Variants in GRAMD4 observed in about 807,000 individuals in gnomAD.
GRAMD4 encodes the protein GRAM domain containing 4, also known as GRAM domain-containing protein 4.
GRAMD4 carries 25 observed loss-of-function variants against 83.9 expected under a neutral mutation model. The ratio of observed to expected loss-of-function variants is 0.30; its 90% CI spans 0.22 to 0.42. The LOEUF (loss-of-function observed/expected upper bound fraction) is 0.42. GRAMD4 is among the 10% of genes least tolerant of loss of function. The probability of loss-of-function intolerance (pLI) is 1.00; values close to 1 mark genes in which losing one functional copy is unlikely to be tolerated. For missense variants in GRAMD4, 593 were observed against 788.7 expected, an observed-to-expected ratio of 0.75 and a Z score of 2.97; for synonymous variants, 336 against 320.9, an observed-to-expected ratio of 1.05 and a Z score of -0.50.
At position 46,586,565 on chromosome 22, in the gene GRAMD4, G is replaced by C. The variant is rs561687297; in HGVS notation, c.-50+9275G>C. Among the ~76,000 whole-genome samples, 90 of 152,324 alleles carry C rather than the reference G, an allele frequency of 5.9e-4. 1 individual carries two copies. The highest frequency in any genetic ancestry group is 1.9e-3 in the African/African-American group (81 of 41,570). On this transcript the variant is annotated intron_variant, in intron 1 of 1. Coordinates refer to the GRAMD4 transcript ENST00000431155. ...GGTTGGGGAAACGTGGGGGTCATGG[G>C]AGGGCCTAGCCCCATGACACAGAGA...
At chr22:46,649,286 G>C (rs1282135048) in intron 3 of GRAMD4, among the ~76,000 whole-genome samples, 1 of 152,202 alleles carries the variant, frequency 6.6e-6, no homozygotes, top group East Asian at 1.9e-4. Context: ...TGGGGGCCTG[G>C]AGGGCTTGGC....
Position 46,626,767 on chromosome 22 carries a change from G to A in GRAMD4, c.-33G>A. ...CTCTTGCAGGGAACCCGAGCGTCAT[G>A]TTAGGGTGAAGCAGAGGACCTCAGT... On this transcript the variant is annotated 5_prime_UTR_variant, in exon 2 of 19. It removes an upstream start codon present in the reference 5' UTR. Transcript: ENST00000406902. 3 of 1,607,904 alleles carry A rather than the reference G, an allele frequency of 1.9e-6. No individual in the cohort carries two copies. The highest frequency in any genetic ancestry group is 2.6e-6 in the Non-Finnish European group (3 of 1,175,116).
intron 17 of GRAMD4, 40 bp downstream of exon 17, chr22:46,675,592 C>G: frequency 7.9e-7 from 1 of 1,271,060 alleles, no homozygotes; most frequent in Non-Finnish European, 1.2e-6. Flanking sequence ...CCCGTGTTTT[C>G]TTCGTCACCT....
chr22:46,668,742 G>A lies in GRAMD4; in HGVS notation c.974+10G>A, dbSNP rs373054138. The A allele has an allele frequency of 7.0e-6, 11 of 1,581,304 alleles. No homozygotes were observed. The highest frequency in any genetic ancestry group is 2.3e-5 in the East Asian group (1 of 44,278). ...TGGAGAAGATCAAGAAGTAAGTCCC[G>A]CCCCCCACCCCGGCCCTGCGGCGCC... On this transcript the variant is annotated intron_variant, in intron 12 of 18. Coordinates refer to ENST00000406902, the MANE Select transcript of GRAMD4 (RefSeq NM_015124.5).
At chr22:46,592,260 T>G (rs1369894895) in intron 1 of GRAMD4, among the ~76,000 whole-genome samples, 1 of 152,198 alleles carries the variant, frequency 6.6e-6, no homozygotes, top group African/African-American at 2.4e-5. Context: ...TAAGTGTGGT[T>G]CTTTTAAGTT....
intron 9 of GRAMD4, among the ~76,000 whole-genome samples, chr22:46,666,556 A>C (rs1386834237): frequency 6.6e-6 from 1 of 152,004 alleles, no homozygotes; most frequent in Non-Finnish European, 1.5e-5. Context: ...TGGATGTTGA[A>C]GGGCCGCCCT....
In GRAMD4 at chr22:46,661,411, A is replaced by G. The variant is rs775281947; in HGVS notation, c.435A>G (p.Pro145=). The change falls in exon 5 of 19, where the codon CCA becomes CCG. Residue 145 remains proline (P), a synonymous_variant. Coordinates refer to ENST00000406902, the MANE Select transcript of GRAMD4 (RefSeq NM_015124.5). ...AGGAGCAGATGGCTCAGCAGCCCCC[A>G]AAAGGGCAGGCCCAGGCCAGCAATG... ...RTEEQMAQQP[P]KGQAQASNGA... The G allele has an allele frequency of 6.2e-7, 1 of 1,612,078 alleles. No homozygotes were observed. The highest frequency in any genetic ancestry group is 2.2e-5 in the East Asian group (1 of 44,878).
At chr22:46,663,943 G>A in intron 7 of GRAMD4, 80 bp downstream of exon 7, 1 of 1,578,750 alleles carries the variant, frequency 6.3e-7, no homozygotes, top group Non-Finnish European at 8.7e-7. Flanking sequence ...CTGGGATTCT[G>A]AGCTGAACCG....
At chr22:46,668,778 G>A (rs1320284299) in intron 12 of GRAMD4, 21 bp from the exon 13 acceptor site, 1 of 1,601,980 alleles carries the variant, frequency 6.2e-7, no homozygotes, top group Non-Finnish European at 8.5e-7. Context: ...CGCCCGGCCT[G>A]AGCCTCCCGT....
At chr22:46,585,525 G>A (rs561887517) in intron 1 of GRAMD4, among the ~76,000 whole-genome samples, 205 of 152,180 alleles carry the variant, frequency 1.3e-3, no homozygotes, top group Non-Finnish European at 1.9e-3. Context: ...GTTAACTTCG[G>A]CCCTAGACCC....
At chr22:46,607,126 G>A (rs1255698363) in intron 1 of GRAMD4, among the ~76,000 whole-genome samples, 1 of 152,096 alleles carries the variant, frequency 6.6e-6, no homozygotes, top group African/African-American at 2.4e-5. Context: ...CAGGAGCAGT[G>A]AAGCCTGGGG....
intron 3 of GRAMD4, among the ~76,000 whole-genome samples, chr22:46,643,115 C>G (rs374140331): frequency 3.8e-4 from 54 of 142,932 alleles, no homozygotes; most frequent in Non-Finnish European, 5.0e-4. Context: ...ATCCATCCAT[C>G]CATCCATGCA....
chr22:46,603,363 A>G (rs1464193750), intron 1 of GRAMD4, among the ~76,000 whole-genome samples: 1 of 150,118 alleles, frequency 6.7e-6, no homozygotes, highest in African/African-American at 2.5e-5. Context: ...GCCCGCCACC[A>G]CACCCGGCTA....
chr22:46,615,683 C>T (rs1414443954), upstream of GRAMD4, among the ~76,000 whole-genome samples: 5 of 69,070 alleles, frequency 7.2e-5, no homozygotes, highest in African/African-American at 2.3e-4. Context: ...TTCCCCTGTG[C>T]GTAGGTTCCC....
chr22:46,625,765 G>A (rs1042561970), intron 1 of GRAMD4, among the ~76,000 whole-genome samples: 2 of 152,208 alleles, frequency 1.3e-5, no homozygotes, highest in Non-Finnish European at 2.9e-5. Flanking sequence ...CCTCCTGTGG[G>A]CCACTGATCC....
Position 46,674,738 on chromosome 22 carries a change from A to ACGTCACGGAGAAGTGAGTGCAGC in GRAMD4, c.1470_1478+14dup. On this transcript the variant is annotated stop_gained and frameshift_variant, in exon 16 of 19. Coordinates refer to ENST00000406902, the MANE Select transcript of GRAMD4 (RefSeq NM_015124.5). LOFTEE classifies it high-confidence loss of function. Reference sequence around the variant, plus strand: ...GACTACATCAGGAACGGGGTGCTCTACGTCACGGAGAAGTGAGTGCAGCCG... The same window carrying ACGTCACGGAGAAGTGAGTGCAGC: ...GACTACATCAGGAACGGGGTGCTCTACGTCACGGAGAAGTGAGTGCAGCCGTCACGGAGAAGTGAGTGCAGCCG... The ACGTCACGGAGAAGTGAGTGCAGC allele has an allele frequency of 6.2e-7, 1 of 1,609,904 alleles. No individual in the cohort carries two copies. The highest frequency in any genetic ancestry group is 8.5e-7 in the Non-Finnish European group (1 of 1,176,998).
Position 46,664,041 on chromosome 22 carries a change from C to T in GRAMD4, c.641C>T (p.Pro214Leu), listed in dbSNP as rs755465455. ...CTGTCCCCAGAGCGCGGTGCCAAGC[C>T]GGTCACTAACTTTGTGAAGAACCTC... ...NMRRLKRGAK[P>L]VTNFVKNLSA... Residue 214 changes from proline (P) to leucine (L), a missense_variant, in exon 8 of 19, where the codon CCG (proline) becomes CTG (leucine). Pro to Leu is a moderately conservative substitution (Grantham distance 98, BLOSUM62 -3). This residue lies in a region of GRAMD4 where 312 missense variants were observed against 350.7 expected (regional missense o/e 0.89). Transcript: ENST00000406902. 2 of 1,613,312 alleles carry T rather than the reference C, an allele frequency of 1.2e-6. No individual in the cohort carries two copies. Among genetic ancestry groups the T allele is most frequent in the Non-Finnish European group, 1.7e-6 (2 of 1,179,688 alleles).
intron 2 of GRAMD4, among the ~76,000 whole-genome samples, chr22:46,627,803 TTAA>T (rs1327739773): frequency 1.3e-5 from 2 of 152,336 alleles, no homozygotes; most frequent in East Asian, 1.9e-4. Context: ...TCAGCAGGAA[TTAA>T]TAATTTACTG....
intron 3 of GRAMD4, among the ~76,000 whole-genome samples, chr22:46,638,410 G>A (rs796282491): frequency 6.6e-6 from 1 of 152,262 alleles, no homozygotes; most frequent in African/African-American, 2.4e-5. Flanking sequence ...CTCCAGGAGG[G>A]AGGTGGGGCA....
Sources: gnomAD v4.1 joint callset for allele counts (sites outside exome capture counted in the v4.1 genomes callset) on GRCh38, gnomAD v4.1.1 for gene constraint, gnomAD v4.1.1 regional missense constraint, MANE v1.5 for transcripts, NCBI Gene and HGNC (gene_info 2026-07-23, HGNC 2026-07-21) for gene names.